Variants in SLC23A2 observed in about 807,000 individuals in gnomAD.
SLC23A2 encodes the protein solute carrier family 23 member 2.
A neutral mutation model predicts 73.3 loss-of-function variants in SLC23A2; 36 were observed. That is an observed-to-expected ratio of 0.49 (90% CI 0.38 to 0.65). SLC23A2 has a LOEUF of 0.65. Ranked by LOEUF, SLC23A2 falls within the 30% of genes least tolerant of loss-of-function variation. The pLI, the probability that SLC23A2 is intolerant of heterozygous loss-of-function variation, is 0.00. For synonymous variants in SLC23A2, 343 were observed against 327.3 expected (o/e 1.05, Z -0.52); for missense variants, 507 against 841.6 (o/e 0.60, Z 4.92).
chr20:4,987,402 C>T (rs34508882), intron 1 of SLC23A2, among the ~76,000 whole-genome samples: 4,816 of 152,170 alleles, frequency 0.032, 123 homozygotes, highest in Non-Finnish European at 0.051. Context: ...AACGATCACT[C>T]GTGAAACTCC....
At chr20:4,986,687 CACAG>C (rs1298054670) in intron 1 of SLC23A2, among the ~76,000 whole-genome samples, 2 of 64,144 alleles carry the variant, frequency 3.1e-5, no homozygotes, top group African/African-American at 7.5e-5. Flanking sequence ...CACACACACA[CACAG>C]AGATGAATAT....
At chr20:4,877,483 A>G (rs1171525559) in intron 9 of SLC23A2, among the ~76,000 whole-genome samples, 1 of 152,222 alleles carries the variant, frequency 6.6e-6, no homozygotes, top group Non-Finnish European at 1.5e-5. Flanking sequence ...GAATAAAATT[A>G]TGTATATATA....
At chr20:4,959,055 C>T (rs970269717) in intron 2 of SLC23A2, among the ~76,000 whole-genome samples, 4 of 127,574 alleles carry the variant, frequency 3.1e-5, no homozygotes, top group Non-Finnish European at 5.2e-5. Context: ...ACTAAAAATA[C>T]AAAAAAAAAA....
chr20:4,953,081 G>A (rs2087228208), intron 2 of SLC23A2, among the ~76,000 whole-genome samples: 1 of 151,712 alleles, frequency 6.6e-6, no homozygotes, highest in African/African-American at 2.4e-5. Context: ...GCCGAGGCAG[G>A]CGGATCACAA....
intron 2 of SLC23A2, among the ~76,000 whole-genome samples, chr20:4,955,248 CT>C (rs373194162): frequency 1.0e-3 from 157 of 151,060 alleles, no homozygotes; most frequent in African/African-American, 3.6e-3. Flanking sequence ...AGTTAAGACC[CT>C]ATCTCTAAAA....
chr20:4,855,612 G>C lies in SLC23A2; in HGVS notation c.*1360C>G, dbSNP rs928865039. 8 of 152,604 alleles carry C rather than the reference G, an allele frequency of 5.2e-5. No homozygotes were observed. In the East Asian group the frequency reaches 1.5e-3, roughly 29 times the overall value. The allele number at this position is 152,604 out of a possible 1,614,324, so 9.5% of individuals were successfully genotyped here. ...CTCACCTGTAAAATCAAGATCTAAC[G>C]GACGTGCGACATGGCAACCCACAGG... On this transcript the variant is annotated 3_prime_UTR_variant, in exon 17 of 17. Coordinates refer to ENST00000338244, the MANE Select transcript of SLC23A2 (RefSeq NM_005116.6).
chr20:4,983,256 G>C (rs2087755132), intron 1 of SLC23A2, among the ~76,000 whole-genome samples: 1 of 152,130 alleles, frequency 6.6e-6, no homozygotes, highest in Admixed American at 6.6e-5. Flanking sequence ...CTTGGGTTAG[G>C]CAGTGGTTTC....
chr20:4,954,053 G>A (rs1257440098), intron 2 of SLC23A2, among the ~76,000 whole-genome samples: 4 of 152,064 alleles, frequency 2.6e-5, no homozygotes, highest in Non-Finnish European at 5.9e-5. Context: ...CATTGCTAAA[G>A]GATAAAATTC....
intron 3 of SLC23A2, among the ~76,000 whole-genome samples, chr20:4,931,269 C>T (rs1932787566): frequency 6.6e-6 from 1 of 151,760 alleles, no homozygotes; most frequent in Admixed American, 6.6e-5. Flanking sequence ...TGCCTGAGCC[C>T]AGGAGGTCAA....
chr20:4,971,896 A>G (rs929234315), intron 1 of SLC23A2, among the ~76,000 whole-genome samples: 4 of 152,232 alleles, frequency 2.6e-5, no homozygotes, highest in Admixed American at 6.5e-5. Flanking sequence ...AAATAAATAA[A>G]TAAGTCACTT....
chr20:4,928,757 A>G (rs1932751933), intron 3 of SLC23A2, among the ~76,000 whole-genome samples: 1 of 152,220 alleles, frequency 6.6e-6, no homozygotes, highest in Non-Finnish European at 1.5e-5. Flanking sequence ...TTTATAATTA[A>G]CATCATATTT....
At chr20:4,999,740 C>T (rs141866450) in intron 1 of SLC23A2, among the ~76,000 whole-genome samples, 101 of 152,202 alleles carry the variant, frequency 6.6e-4, no homozygotes, top group African/African-American at 2.3e-3. Context: ...GATGTTTAAA[C>T]TTAATTGACT....
At chr20:4,881,622 G>C (rs1930887526) in intron 9 of SLC23A2, among the ~76,000 whole-genome samples, 1 of 152,140 alleles carries the variant, frequency 6.6e-6, no homozygotes, top group African/African-American at 2.4e-5. Context: ...TCAGCTTTTA[G>C]ATTTACCACT....
intron 1 of SLC23A2, among the ~76,000 whole-genome samples, chr20:5,000,153 C>T (rs2088093700): frequency 6.6e-6 from 1 of 152,124 alleles, no homozygotes; most frequent in African/African-American, 2.4e-5. Flanking sequence ...GCACAGAATT[C>T]TGATTTTTTG....
chr20:4,952,103 C>CAA (rs57832305), intron 2 of SLC23A2, among the ~76,000 whole-genome samples: 3,163 of 40,096 alleles, frequency 0.079, 389 homozygotes, highest in Middle Eastern at 0.11. Context: ...GACTCTGACT[C>CAA]AAAAAAAAAA....
chr20:4,996,282 T>A (rs2088019090), intron 1 of SLC23A2, among the ~76,000 whole-genome samples: 1 of 152,106 alleles, frequency 6.6e-6, no homozygotes, highest in African/African-American at 2.4e-5. Context: ...TTCATCTCTG[T>A]AAGAGTTACA....
At chr20:4,971,299 A>AACAC (rs35758430) in intron 1 of SLC23A2, among the ~76,000 whole-genome samples, 2,197 of 142,466 alleles carry the variant, frequency 0.015, 26 homozygotes, top group African/African-American at 0.028. Flanking sequence ...GTCTCTACAA[A>AACAC]ACACACACAC....
intron 2 of SLC23A2, among the ~76,000 whole-genome samples, chr20:4,962,866 A>G (rs1270087553): frequency 6.6e-6 from 1 of 152,122 alleles, no homozygotes; most frequent in African/African-American, 2.4e-5. Flanking sequence ...GTGTGGTGGC[A>G]TGCACCTGTA....
intron 1 of SLC23A2, among the ~76,000 whole-genome samples, chr20:4,995,564 A>C (rs898287242): frequency 6.6e-6 from 1 of 151,960 alleles, no homozygotes; most frequent in African/African-American, 2.4e-5. Context: ...CTCCTGCTCC[A>C]CCCTTTGCTC....
Sources: allele counts gnomAD v4.1 joint callset (sites outside exome capture counted in the v4.1 genomes callset), GRCh38; gene constraint gnomAD v4.1.1; transcripts MANE v1.5; gene names NCBI Gene and HGNC (gene_info 2026-07-23, HGNC 2026-07-21).